WWOX: variants seen among roughly 807,000 people sequenced by gnomAD.
WWOX encodes the protein WW domain-containing oxidoreductase.
In WWOX, 69 loss-of-function variants were observed where a neutral mutation model predicts 46.2. The ratio of observed to expected loss-of-function variants is 1.49; its 90% CI spans 1.23 to 1.82. The LOEUF (loss-of-function observed/expected upper bound fraction) is 1.82, where lower values mean the gene tolerates loss of function less well. WWOX is among the 40% of genes most tolerant of loss of function. The pLI, the probability that WWOX is intolerant of heterozygous loss-of-function variation, is 0.00. For missense variants in WWOX, 919 were observed against 542.6 expected (o/e 1.69, Z -6.89); for synonymous variants, 359 against 202.6 (o/e 1.77, Z -6.56).
At chr16:78,131,128 T>C (rs2033576671) in intron 4 of WWOX, among the ~76,000 whole-genome samples, 1 of 152,234 alleles carries the variant, frequency 6.6e-6, no homozygotes, top group South Asian at 2.1e-4. Context: ...CGCCGTTGTA[T>C]CTGCACTCCA....
chr16:78,456,525 A>G, intron 8 of WWOX, among the ~76,000 whole-genome samples: 1 of 152,228 alleles, frequency 6.6e-6, no homozygotes, highest in East Asian at 1.9e-4. Flanking sequence ...TTCTTGTCCC[A>G]GGGATACCTG....
At chr16:78,471,720 A>T (rs1051105682) in intron 8 of WWOX, among the ~76,000 whole-genome samples, 1 of 152,216 alleles carries the variant, frequency 6.6e-6, no homozygotes, top group African/African-American at 2.4e-5. Context: ...TATATAAGCA[A>T]TAGTCCCTGA....
chr16:78,260,356 CAGATAAATTCACAAAA>C (rs2038246671), intron 5 of WWOX, among the ~76,000 whole-genome samples: 1 of 151,560 alleles, frequency 6.6e-6, no homozygotes, highest in Non-Finnish European at 1.5e-5. Context: ...AGATCGAAGC[CAGATAAATTCACAAAA>C]ATGTAAGGCT....
chr16:79,098,728 G>A (rs1483990858), intron 8 of WWOX, among the ~76,000 whole-genome samples: 1 of 152,180 alleles, frequency 6.6e-6, no homozygotes, highest in Non-Finnish European at 1.5e-5. Flanking sequence ...ATGAGTAGAG[G>A]CAGGTAATAA....
intron 8 of WWOX, among the ~76,000 whole-genome samples, chr16:78,649,563 T>A (rs2046919562): frequency 6.6e-6 from 1 of 152,162 alleles, no homozygotes; most frequent in African/African-American, 2.4e-5. Context: ...AGGCTTGAGC[T>A]ACTTCCCCAG....
At chr16:78,308,245 G>A (rs56092548) in intron 5 of WWOX, among the ~76,000 whole-genome samples, 16,898 of 152,168 alleles carry the variant, frequency 0.11, 1,025 homozygotes, top group East Asian at 0.15. Context: ...CTTGCTAGGT[G>A]AGTGTAAACC....
rs758121265 is a variant in WWOX at position 78,164,281 on chromosome 16, G to T, written c.508G>T (p.Glu170Ter). 6.2e-7 allele frequency: 1 copy of T among 1,613,998 alleles called. No homozygotes were observed. The highest frequency in any genetic ancestry group is 1.1e-5 in the South Asian group (1 of 91,024). Residue 170 changes from glutamate (E) to a stop codon, truncating the protein, a stop_gained, in exon 5 of 9, where the codon GAA (glutamate) becomes TAA (stop). Transcript: ENST00000566780. LOFTEE classifies it high-confidence loss of function. ...GAGTGAAGCAGTGTCACGCATTTTA[G>T]AAGAATGGGTAAGTGCTTGACTGTT... Reference protein sequence around the residue: ...RASEAVSRILEEWHKAKVEAM... With the variant: ...RASEAVSRIL
chr16:79,185,075 T>C (rs1244070388), intron 8 of WWOX, among the ~76,000 whole-genome samples: 1 of 152,200 alleles, frequency 6.6e-6, no homozygotes, highest in Non-Finnish European at 1.5e-5. Flanking sequence ...TTGAGAGGTC[T>C]TGAGATAAGA....
At chr16:78,351,604 T>A (rs1201695010) in intron 5 of WWOX, among the ~76,000 whole-genome samples, 7 of 152,204 alleles carry the variant, frequency 4.6e-5, no homozygotes, top group Non-Finnish European at 1.0e-4. Context: ...GAGCAGATGC[T>A]GGCTCTATAT....
intron 8 of WWOX, among the ~76,000 whole-genome samples, chr16:79,046,315 T>G (rs1424049071): frequency 1.3e-5 from 2 of 152,234 alleles, no homozygotes; most frequent in Admixed American, 1.3e-4. Flanking sequence ...CAGCACATAG[T>G]AGATGATCAA....
At chr16:78,614,223 C>T (rs566733811) in intron 8 of WWOX, among the ~76,000 whole-genome samples, 1 of 152,338 alleles carries the variant, frequency 6.6e-6, no homozygotes, top group African/African-American at 2.4e-5. Context: ...AAAGAACTAT[C>T]TGTGTTGACA....
intron 8 of WWOX, among the ~76,000 whole-genome samples, chr16:79,067,214 C>G (rs913648651): frequency 1.3e-5 from 2 of 152,170 alleles, no homozygotes; most frequent in East Asian, 1.9e-4. Flanking sequence ...TCTGGTGATT[C>G]TGATATTCAC....
intron 8 of WWOX, among the ~76,000 whole-genome samples, chr16:78,459,612 C>A (rs572208002): frequency 2.0e-4 from 31 of 152,136 alleles, no homozygotes; most frequent in Non-Finnish European, 4.1e-4. Context: ...GAGGCAAAAT[C>A]TACTTTCTGC....
rs76404220 is a variant in WWOX at position 78,177,731 on chromosome 16, G to T, written c.516+13442G>T. On this transcript the variant is annotated intron_variant, in intron 5 of 8. Transcript: ENST00000566780. ...TCACTGGCTGAGTCTGAGTGGTGGT[G>T]ATACAGTCCATACTCAGTGACTGAG... Among the ~76,000 whole-genome samples the T allele has an allele frequency of 3.1e-3, 475 of 152,296 alleles. 3 individuals are homozygous for T. The highest frequency in any genetic ancestry group is 0.011 in the African/African-American group (459 of 41,576).
chr16:78,777,589 C>G (rs775416684), intron 8 of WWOX, among the ~76,000 whole-genome samples: 1 of 152,066 alleles, frequency 6.6e-6, no homozygotes, highest in Non-Finnish European at 1.5e-5. Context: ...TAAGCATTAA[C>G]ACAGAGACAT....
chr16:78,119,215 C>G (rs1398497009), intron 4 of WWOX: 1 of 152,180 alleles, frequency 6.6e-6, no homozygotes, highest in Non-Finnish European at 1.5e-5. Flanking sequence ...AGCTTGTTGG[C>G]TCTGATTTGG....
At position 78,316,426 on chromosome 16, in the gene WWOX, C is replaced by T. The variant is rs562497720; in HGVS notation, c.517-70434C>T. Among the ~76,000 whole-genome samples the T allele has an allele frequency of 7.9e-5, 12 of 152,118 alleles. 1 individual carries two copies. Among genetic ancestry groups the T allele is most frequent in the South Asian group, 2.1e-4 (1 of 4,816 alleles). ...CGTGATCTTGGCTCACTGCAACCTC[C>T]GACCCCCCTGGGTTCAAGCGATTCT... On this transcript the variant is annotated intron_variant, in intron 5 of 8. Coordinates refer to ENST00000566780, the MANE Select transcript of WWOX (RefSeq NM_016373.4).
At chr16:79,060,471 T>C (rs1447749143) in intron 8 of WWOX, among the ~76,000 whole-genome samples, 1 of 152,228 alleles carries the variant, frequency 6.6e-6, no homozygotes, top group Non-Finnish European at 1.5e-5. Flanking sequence ...AGTTATGCTT[T>C]GTGCAGACTG....
chr16:78,135,499 G>T (rs954880746), intron 4 of WWOX, among the ~76,000 whole-genome samples: 1 of 152,096 alleles, frequency 6.6e-6, no homozygotes, highest in Non-Finnish European at 1.5e-5. Context: ...ATGTTGTTTA[G>T]ATATTATTAT....
Sources: allele counts gnomAD v4.1 joint callset (sites outside exome capture counted in the v4.1 genomes callset), GRCh38; gene constraint gnomAD v4.1.1; transcripts MANE v1.5; gene names NCBI Gene and HGNC (gene_info 2026-07-23, HGNC 2026-07-21).